Variants in NELL1 observed in about 807,000 individuals in gnomAD.
NELL1 encodes neural EGFL like 1, also known as protein kinase C-binding protein NELL1.
Under a neutral mutation model 107.4 loss-of-function variants are expected in NELL1, and 76 were observed. The ratio of observed to expected loss-of-function variants is 0.71; its 90% CI spans 0.59 to 0.86. The LOEUF (loss-of-function observed/expected upper bound fraction) is 0.86. Ranked by LOEUF, NELL1 falls within the 40% of genes least tolerant of loss-of-function variation. The pLI is 0.00. For synonymous variants in NELL1, 353 were observed against 341.2 expected (o/e 1.03, Z -0.38); for missense variants, 1,024 against 1,005.5 (o/e 1.02, Z -0.25).
intron 13 of NELL1, among the ~76,000 whole-genome samples, chr11:21,160,939 C>T (rs993527453): frequency 6.7e-6 from 1 of 150,034 alleles, no homozygotes; most frequent in Non-Finnish European, 1.5e-5. Context: ...TTAATTTAAA[C>T]ATGTAGAGTT....
chr11:20,996,945 C>A (rs1852103216), intron 12 of NELL1, among the ~76,000 whole-genome samples: 1 of 152,084 alleles, frequency 6.6e-6, no homozygotes. Flanking sequence ...CTTCCTTTTC[C>A]TATATTTTAG....
chr11:21,409,778 C>G (rs896068067), intron 15 of NELL1, among the ~76,000 whole-genome samples: 1 of 151,844 alleles, frequency 6.6e-6, no homozygotes, highest in Non-Finnish European at 1.5e-5. Flanking sequence ...TGAGCAGACA[C>G]TGGTCTAGAT....
At chr11:21,304,180 T>C (rs1424308418) in intron 14 of NELL1, among the ~76,000 whole-genome samples, 3 of 152,042 alleles carry the variant, frequency 2.0e-5, no homozygotes, top group Non-Finnish European at 2.9e-5. Context: ...AAGTGTCGGG[T>C]ATTCTAATGA....
chr11:21,425,319 G>A (rs980847100), intron 15 of NELL1, among the ~76,000 whole-genome samples: 1 of 152,132 alleles, frequency 6.6e-6, no homozygotes, highest in Non-Finnish European at 1.5e-5. Flanking sequence ...ACCTAGGTAG[G>A]TATCAATCAG....
intron 12 of NELL1, among the ~76,000 whole-genome samples, chr11:21,086,018 A>G (rs1208932229): frequency 6.6e-6 from 1 of 152,320 alleles, no homozygotes; most frequent in East Asian, 1.9e-4. Flanking sequence ...TCATCTCTCC[A>G]TTCTCCATTT....
chr11:21,464,642 A>G (rs1853982578), intron 15 of NELL1, among the ~76,000 whole-genome samples: 1 of 152,138 alleles, frequency 6.6e-6, no homozygotes, highest in Admixed American at 6.6e-5. Context: ...ATAAAAGATT[A>G]TTAAATATGG....
intron 12 of NELL1, among the ~76,000 whole-genome samples, chr11:21,007,949 T>G (rs1427630844): frequency 6.6e-6 from 1 of 152,108 alleles, no homozygotes; most frequent in Non-Finnish European, 1.5e-5. Context: ...ACCTGAAGCT[T>G]TCTGTGATTT....
At chr11:21,183,234 C>A (rs7126750) in intron 13 of NELL1, among the ~76,000 whole-genome samples, 2 of 151,628 alleles carry the variant, frequency 1.3e-5, no homozygotes, top group East Asian at 1.9e-4. Context: ...TCTCTCCCAA[C>A]AAATTATGGA....
chr11:21,505,596 G>A (rs77668196), intron 15 of NELL1, among the ~76,000 whole-genome samples: 13,107 of 152,096 alleles, frequency 0.086, 834 homozygotes, highest in East Asian at 0.29. Context: ...CTGCATCAAG[G>A]TTTTTTGCAT....
chr11:21,546,431 C>G (rs909035912), intron 16 of NELL1, among the ~76,000 whole-genome samples: 8 of 151,884 alleles, frequency 5.3e-5, no homozygotes, highest in African/African-American at 1.9e-4. Flanking sequence ...TGGCCATGTC[C>G]CCACCCAAAT....
At chr11:21,415,230 A>G (rs1852484776) in intron 15 of NELL1, among the ~76,000 whole-genome samples, 1 of 152,080 alleles carries the variant, frequency 6.6e-6, no homozygotes, top group Non-Finnish European at 1.5e-5. Context: ...AACTTATAAA[A>G]GAAAGACCAG....
intron 13 of NELL1, among the ~76,000 whole-genome samples, chr11:21,138,124 A>G (rs1286428800): frequency 6.6e-6 from 1 of 152,106 alleles, no homozygotes; most frequent in Non-Finnish European, 1.5e-5. Flanking sequence ...GCTCTGCAAA[A>G]TGGCATTTAA....
intron 2 of NELL1, among the ~76,000 whole-genome samples, chr11:20,739,567 T>A (rs1194643854): frequency 1.3e-5 from 2 of 152,184 alleles, no homozygotes; most frequent in African/African-American, 4.8e-5. Flanking sequence ...CTTCACCATT[T>A]CTGTCTTTCC....
At chr11:21,419,123 G>A (rs1852594221) in intron 15 of NELL1, among the ~76,000 whole-genome samples, 1 of 151,984 alleles carries the variant, frequency 6.6e-6, no homozygotes, top group African/African-American at 2.4e-5. Flanking sequence ...TGTTCCTTTG[G>A]TTACTTACAC....
intron 14 of NELL1, among the ~76,000 whole-genome samples, chr11:21,326,682 C>G (rs927462848): frequency 6.6e-6 from 1 of 151,914 alleles, no homozygotes; most frequent in Non-Finnish European, 1.5e-5. Context: ...TAATGTCCCT[C>G]AGTTTTTACT....
chr11:20,787,584 G>C (rs1336530081), intron 3 of NELL1, among the ~76,000 whole-genome samples: 2 of 152,206 alleles, frequency 1.3e-5, no homozygotes, highest in Non-Finnish European at 2.9e-5. Flanking sequence ...GTATGTGGTA[G>C]ATAGATTGTT....
intron 3 of NELL1, among the ~76,000 whole-genome samples, chr11:20,835,760 CT>C (rs376904479): frequency 6.6e-6 from 1 of 152,244 alleles, no homozygotes; most frequent in Non-Finnish European, 1.5e-5. Flanking sequence ...GACCCTATGC[CT>C]TTTACATAAA....
Position 20,915,717 on chromosome 11 carries a change from A to ATATATATATATATATATTTT in NELL1, c.604-2464_604-2463insATATATATATATATATTTTT. ...TCATAGATGATATATATATATATAT[A>ATATATATATATATATATTTT]TTTTTTTTTTTTTTTTTTGAGAGGA... On this transcript the variant is annotated intron_variant, in intron 5 of 19. Coordinates refer to ENST00000357134, the MANE Select transcript of NELL1 (RefSeq NM_006157.5). 1.0e-3 allele frequency among the ~76,000 whole-genome samples: 61 copies of ATATATATATATATATATTTT among 58,206 alleles called. 2 individuals carry two copies. Among genetic ancestry groups the ATATATATATATATATATTTT allele is most frequent in the Middle Eastern group, 0.01 (1 of 98 alleles). The allele number at this position is 58,206 out of a possible 152,430, so 38.2% of individuals were successfully genotyped here. A position where few individuals can be genotyped will look rare whatever the true frequency, so the allele number is the denominator to read the frequency against.
intron 4 of NELL1, among the ~76,000 whole-genome samples, chr11:20,881,340 A>G (rs1404002078): frequency 2.0e-5 from 3 of 152,192 alleles, no homozygotes; most frequent in Non-Finnish European, 4.4e-5. Flanking sequence ...GATAAATAGT[A>G]GCTTGGATGG....
Sources: gnomAD v4.1 joint callset for allele counts (sites outside exome capture counted in the v4.1 genomes callset) on GRCh38, gnomAD v4.1.1 for gene constraint, MANE v1.5 for transcripts, NCBI Gene and HGNC (gene_info 2026-07-23, HGNC 2026-07-21) for gene names.